The following DLG5 variants were observed in gnomAD, a reference collection of about 807,000 sequenced individuals.
The protein encoded by DLG5 is disks large homolog 5.
A neutral mutation model predicts 189.8 loss-of-function variants in DLG5; 48 were observed. That is an observed-to-expected ratio of 0.25 (90% CI 0.20 to 0.32). DLG5 has a LOEUF of 0.32. DLG5 is among the 10% of genes least tolerant of loss of function. The pLI, the probability that DLG5 is intolerant of heterozygous loss-of-function variation, is 1.00. For synonymous variants in DLG5, 1,016 were observed against 1,054.1 expected, an observed-to-expected ratio of 0.96 and a Z score of 0.70; for missense variants, 2,160 against 2,544.7, an observed-to-expected ratio of 0.85 and a Z score of 3.25.
At chr10:77,906,617 CTTTTT>C (rs35116526) in intron 1 of DLG5, among the ~76,000 whole-genome samples, 57 of 102,174 alleles carry the variant, frequency 5.6e-4, no homozygotes, top group African/African-American at 1.6e-3. Context: ...CTGCGCTCCA[CTTTTT>C]TTTTTTTTTT....
At position 77,812,203 on chromosome 10, in the gene DLG5, GCTC is replaced by G. The variant is rs770892408; in HGVS notation, c.4188+9_4188+11del. 8 of 1,608,994 alleles carry G rather than the reference GCTC, an allele frequency of 5.0e-6. No homozygotes were observed. The African/African-American group carries it at 9.4e-5, about 19-fold the overall frequency. ...TCCATGGGCGCCATGCAGGAGGGCA[GCTC>G]CCTCTCACCTCCAGTAACTGATCCC... On this transcript the variant is annotated intron_variant, in intron 21 of 31. Coordinates refer to ENST00000372391, the MANE Select transcript of DLG5 (RefSeq NM_004747.4).
intron 1 of DLG5, among the ~76,000 whole-genome samples, chr10:77,884,221 G>C (rs1845369796): frequency 6.6e-6 from 1 of 152,186 alleles, no homozygotes; most frequent in Admixed American, 6.5e-5. Flanking sequence ...CGGAAGCAAA[G>C]AAACTTCTGA....
At chr10:77,841,155 C>T (rs1053148983) in intron 7 of DLG5, among the ~76,000 whole-genome samples, 4 of 152,222 alleles carry the variant, frequency 2.6e-5, no homozygotes, top group Non-Finnish European at 4.4e-5. Context: ...TGAAGGGAAT[C>T]TCCATGGGCC....
At chr10:77,897,412 T>A (rs191438686) in intron 1 of DLG5, among the ~76,000 whole-genome samples, 2 of 152,068 alleles carry the variant, frequency 1.3e-5, no homozygotes, top group Non-Finnish European at 2.9e-5. Context: ...ACAATTGATT[T>A]AAAAACAAGT....
intron 1 of DLG5, among the ~76,000 whole-genome samples, chr10:77,917,924 G>C (rs1488344237): frequency 1.3e-5 from 2 of 151,512 alleles, no homozygotes; most frequent in African/African-American, 4.9e-5. Context: ...CTACCCGGGA[G>C]ACTGAGGCAG....
At chr10:77,901,546 G>C (rs1845927249) in intron 1 of DLG5, among the ~76,000 whole-genome samples, 1 of 152,244 alleles carries the variant, frequency 6.6e-6, no homozygotes, top group Non-Finnish European at 1.5e-5. Flanking sequence ...CATCGCATCA[G>C]AAAGGCAGCA....
chr10:77,798,078 T>A (rs1841015014), intron 27 of DLG5, among the ~76,000 whole-genome samples: 1 of 152,004 alleles, frequency 6.6e-6, no homozygotes, highest in African/African-American at 2.4e-5. Context: ...TCCCAGCTAC[T>A]CAGGAAGCTG....
intron 1 of DLG5, among the ~76,000 whole-genome samples, chr10:77,908,679 C>A (rs925820409): frequency 6.6e-6 from 1 of 152,176 alleles, no homozygotes; most frequent in Non-Finnish European, 1.5e-5. Flanking sequence ...GCTCACCATA[C>A]ACCCTCCTTC....
In DLG5 at chr10:77,916,904, AATATATATAT is replaced by A. The variant is rs55841913; in HGVS notation, c.304+9303_304+9312del. Among the ~76,000 whole-genome samples the A allele has an allele frequency of 4.1e-3, 533 of 129,112 alleles. 8 individuals carry two copies. Among genetic ancestry groups the A allele is most frequent in the South Asian group, 0.023 (90 of 3,998 alleles). The allele number at this position is 129,112 out of a possible 152,430, so 84.7% of individuals were successfully genotyped here. A position where few individuals can be genotyped will look rare whatever the true frequency, so the allele number is the denominator to read the frequency against. ...AGGTAAAGAAACAAATAAAATATAG[AATATATATAT>A]ATATATATATATGAATATTATTCGG... On this transcript the variant is annotated intron_variant, in intron 1 of 31. Coordinates refer to ENST00000372391, the MANE Select transcript of DLG5 (RefSeq NM_004747.4).
chr10:77,926,305 C>T lies in DLG5; in HGVS notation c.216G>A (p.Arg72=). ...AKERDHFQDL[R]AALEKTQPHL... is the part of the protein sequence containing the mutation. ...GAGGCTGCGTCTTCTCCAGCGCCGC[C>T]CGCAGGTCCTGGAAGTGGTCCCGCT... Residue 72 remains arginine, a synonymous_variant, in exon 1 of 32, where the codon CGG becomes CGA. Coordinates refer to ENST00000372391, the MANE Select transcript of DLG5 (RefSeq NM_004747.4). This position sits in a 1 kb window ranked among gnomAD's most constrained non-coding sequence, Gnocchi z 5.2. 2.5e-6 allele frequency: 4 copies of T among 1,599,130 alleles called. No homozygotes were observed. Among genetic ancestry groups the T allele is most frequent in the Non-Finnish European group, 3.4e-6 (4 of 1,174,270 alleles).
intron 27 of DLG5, among the ~76,000 whole-genome samples, chr10:77,799,900 C>T (rs912997593): frequency 1.3e-5 from 2 of 152,120 alleles, no homozygotes; most frequent in Non-Finnish European, 2.9e-5. Flanking sequence ...TGTGAGCTAC[C>T]GTGCCTGGCC....
At position 77,809,660 on chromosome 10, in the gene DLG5, G is replaced by C; in HGVS notation, c.4534C>G (p.Leu1512Val). The stretch of plus-strand genomic sequence containing the variant: ...TTCCCACCACACAAGTGCACCCCAA[G>C]CTCCAGCTGGGACTTTTTGATGAAG... Reference protein sequence around the residue: ...VVFIKKSQLELGVHLCGGNLH... With the variant: ...VVFIKKSQLEVGVHLCGGNLH... Residue 1512 changes from leucine to valine, a missense_variant, in exon 24 of 32, where the codon CTT (leucine) becomes GTT (valine). Transcript: ENST00000372391. 1 of 1,614,192 alleles carries C rather than the reference G, an allele frequency of 6.2e-7. No homozygotes were observed. The highest frequency in any genetic ancestry group is 1.3e-5 in the African/African-American group (1 of 75,052).
intron 1 of DLG5, among the ~76,000 whole-genome samples, chr10:77,886,990 A>G (rs1269594230): frequency 6.6e-6 from 1 of 152,164 alleles, no homozygotes; most frequent in East Asian, 1.9e-4. Flanking sequence ...ACTGTGAGAT[A>G]ATCCATGTCT....
chr10:77,842,252 G>A, intron 6 of DLG5, 59 bp from the exon 7 acceptor site: 2 of 1,549,500 alleles, frequency 1.3e-6, no homozygotes, highest in Non-Finnish European at 1.7e-6. Context: ...TCAGTGGCCG[G>A]CTGCGCTGCT....
At chr10:77,813,837 A>C (rs1841903464) in intron 20 of DLG5, among the ~76,000 whole-genome samples, 1 of 152,244 alleles carries the variant, frequency 6.6e-6, no homozygotes, top group African/African-American at 2.4e-5. Flanking sequence ...GGGAGGCCCG[A>C]TCGGCATCAT....
intron 12 of DLG5, 47 bp downstream of exon 12, chr10:77,829,308 G>A: frequency 1.2e-6 from 2 of 1,611,346 alleles, no homozygotes; most frequent in East Asian, 2.2e-5. Context: ...CCACAAAAAA[G>A]GGCCCCAGCC....
chr10:77,939,191 A>AAAAC, the DLG5 span, among the ~76,000 whole-genome samples: 8 of 152,284 alleles, frequency 5.3e-5, no homozygotes, highest in East Asian at 3.9e-4. Flanking sequence ...AAAACAAAAC[A>AAAAC]AAACAAACAA....
intron 5 of DLG5, among the ~76,000 whole-genome samples, chr10:77,851,880 G>A (rs1415727697): frequency 5.3e-5 from 8 of 152,192 alleles, no homozygotes; most frequent in African/African-American, 1.7e-4. Flanking sequence ...AGGGCAGGTC[G>A]CCCCAGAGGG....
Position 77,792,954 on chromosome 10 carries a change from C to T in DLG5, c.5657-411G>A, listed in dbSNP as rs534818706. Reference sequence around the variant, plus strand: ...GATGATGGCGCCAACTTGGGCCAGCCCTGTACTATAGGAGTTTGACAAAGG... The same window carrying T: ...GATGATGGCGCCAACTTGGGCCAGCTCTGTACTATAGGAGTTTGACAAAGG... On this transcript the variant is annotated intron_variant, in intron 31 of 31. Coordinates refer to ENST00000372391, the MANE Select transcript of DLG5 (RefSeq NM_004747.4). 83 of 226,744 alleles carry T rather than the reference C, an allele frequency of 3.7e-4. No homozygotes were observed. The South Asian group carries it at 5.7e-3, about 16-fold the overall frequency. The allele number at this position is 226,744 out of a possible 1,614,324, so 14.0% of individuals were successfully genotyped here.
Sources: gnomAD v4.1 joint callset for allele counts (sites outside exome capture counted in the v4.1 genomes callset) on GRCh38, gnomAD v4.1.1 for gene constraint, Gnocchi (gnomAD v3.1) non-coding constraint, MANE v1.5 for transcripts, NCBI Gene and HGNC (gene_info 2026-07-23, HGNC 2026-07-21) for gene names.